The following ATG7 variants were observed in gnomAD, a reference collection of about 807,000 sequenced individuals.
ATG7 encodes ubiquitin-like modifier-activating enzyme ATG7.
ATG7 carries 70 observed loss-of-function variants against 82.4 expected under a neutral mutation model. The ratio of observed to expected loss-of-function variants is 0.85; its 90% CI spans 0.70 to 1.04. The LOEUF is 1.04. ATG7 is among the 50% of genes least tolerant of loss of function. The probability of loss-of-function intolerance (pLI) is 0.00; values close to 1 mark genes in which losing one functional copy is unlikely to be tolerated. For missense variants in ATG7, 792 were observed against 864.3 expected (o/e 0.92, Z 1.05); for synonymous variants, 287 against 313.0 (o/e 0.92, Z 0.88).
chr3:11,276,176 T>G (rs1378060699), intron 1 of ATG7, among the ~76,000 whole-genome samples: 1 of 152,220 alleles, frequency 6.6e-6, no homozygotes, highest in Non-Finnish European at 1.5e-5. Context: ...CCTTGACTTT[T>G]GCTCCACTAA....
At chr3:11,367,721 A>G (rs1208723866) in intron 18 of ATG7, among the ~76,000 whole-genome samples, 6 of 151,454 alleles carry the variant, frequency 4.0e-5, no homozygotes, top group African/African-American at 1.2e-4. Context: ...TTTGAAAACC[A>G]TAAACCATTT....
chr3:11,348,238 C>A, intron 14 of ATG7: 1 of 632,232 alleles, frequency 1.6e-6, no homozygotes, highest in Non-Finnish European at 2.6e-6. Flanking sequence ...CTCATACCTG[C>A]AATCCCAGTG....
chr3:11,558,454 T>TACCCCCC, downstream of ATG7: 1 of 1,064,154 alleles, frequency 9.4e-7, no homozygotes, highest in Non-Finnish European at 1.3e-6. Flanking sequence ...TCCCTTCCCT[T>TACCCCCC]CCCCCCACCC....
At chr3:11,298,641 G>T in intron 3 of ATG7, 45 bp from the exon 4 acceptor site, 1 of 1,557,502 alleles carries the variant, frequency 6.4e-7, no homozygotes, top group East Asian at 2.3e-5. Flanking sequence ...ACCAGGTTTT[G>T]CATGGATATG....
At chr3:11,563,689 G>A in the ATG7 span, among the ~76,000 whole-genome samples, 3 of 152,202 alleles carry the variant, frequency 2.0e-5, no homozygotes, top group African/African-American at 7.2e-5. Context: ...AAAACTGAGC[G>A]TGCTGAGAAC....
intron 20 of ATG7, among the ~76,000 whole-genome samples, chr3:11,551,788 G>A (rs1307765351): frequency 5.3e-5 from 8 of 151,120 alleles, no homozygotes; most frequent in Admixed American, 5.3e-4. Context: ...TCACCCTGTC[G>A]CCCAGGCTGG....
At chr3:11,458,348 C>T (rs560767415) in intron 20 of ATG7, among the ~76,000 whole-genome samples, 2 of 152,212 alleles carry the variant, frequency 1.3e-5, no homozygotes, top group South Asian at 4.2e-4. Flanking sequence ...ACTGCAAGCT[C>T]CGCCTCCTGG....
chr3:11,272,723 A>G (rs907006764), intron 1 of ATG7: 4 of 152,270 alleles, frequency 2.6e-5, no homozygotes. Context: ...GGCAGTGCTC[A>G]GAATCTTCAG....
intron 20 of ATG7, among the ~76,000 whole-genome samples, chr3:11,463,083 C>T (rs1354332870): frequency 1.3e-5 from 2 of 151,880 alleles, no homozygotes; most frequent in Non-Finnish European, 2.9e-5. Context: ...TGGGGTTTTG[C>T]CATGTTGATC....
chr3:11,561,681 A>G (rs1172638566), downstream of ATG7, among the ~76,000 whole-genome samples: 2 of 151,710 alleles, frequency 1.3e-5, no homozygotes, highest in African/African-American at 4.9e-5. Flanking sequence ...CCACACCCTT[A>G]TTTTCCAGAT....
chr3:11,509,291 C>A (rs574504510), intron 20 of ATG7, among the ~76,000 whole-genome samples: 1 of 152,182 alleles, frequency 6.6e-6, no homozygotes, highest in Admixed American at 6.5e-5. Context: ...GAGCTGTTCC[C>A]GGCCCAGATA....
chr3:11,307,115 C>A, intron 6 of ATG7, 55 bp downstream of exon 6: 1 of 1,521,706 alleles, frequency 6.6e-7, no homozygotes, highest in South Asian at 1.1e-5. Context: ...CTGGCAGGTG[C>A]AGTGTTTGTG....
At chr3:11,562,250 A>G (rs2125116552), downstream of ATG7, among the ~76,000 whole-genome samples, 3 of 152,172 alleles carry the variant, frequency 2.0e-5, no homozygotes, top group South Asian at 6.2e-4. Flanking sequence ...CTGCTGCCCA[A>G]GGCCACCCTC....
At chr3:11,480,796 C>T (rs760459593) in intron 20 of ATG7, among the ~76,000 whole-genome samples, 4 of 152,182 alleles carry the variant, frequency 2.6e-5, no homozygotes, top group East Asian at 1.9e-4. Flanking sequence ...CCTGGGAGAG[C>T]GAGGAGGGCC....
intron 9 of ATG7, among the ~76,000 whole-genome samples, chr3:11,327,087 G>T (rs571140578): frequency 9.2e-5 from 14 of 152,298 alleles, no homozygotes; most frequent in Non-Finnish European, 1.8e-4. Flanking sequence ...GGGGGAGTCC[G>T]TGTATTGAAG....
At chr3:11,457,884 A>G (rs567059105) in intron 20 of ATG7, among the ~76,000 whole-genome samples, 1 of 152,276 alleles carries the variant, frequency 6.6e-6, no homozygotes, top group South Asian at 2.1e-4. Flanking sequence ...TGTCTTAGAT[A>G]ATATACCCTC....
intron 20 of ATG7, among the ~76,000 whole-genome samples, chr3:11,485,211 T>A (rs916190303): frequency 6.6e-6 from 1 of 152,208 alleles, no homozygotes; most frequent in Admixed American, 6.5e-5. Context: ...ACCTGTTGTT[T>A]CCTGACTTTT....
At chr3:11,534,890 C>G (rs1176715217) in intron 20 of ATG7, among the ~76,000 whole-genome samples, 2 of 152,244 alleles carry the variant, frequency 1.3e-5, no homozygotes, top group Non-Finnish European at 2.9e-5. Context: ...TTCAGGCCCA[C>G]GTAGGCGCAG....
chr3:11,360,282 A>G (rs1013277081), intron 15 of ATG7, among the ~76,000 whole-genome samples: 2 of 152,148 alleles, frequency 1.3e-5, no homozygotes, highest in Admixed American at 1.3e-4. Context: ...CTGACCTCAG[A>G]CAGTCTGCCC....
Sources: allele counts gnomAD v4.1 joint callset (sites outside exome capture counted in the v4.1 genomes callset), GRCh38; gene constraint gnomAD v4.1.1; transcripts MANE v1.5; gene names NCBI Gene and HGNC (gene_info 2026-07-23, HGNC 2026-07-21).